ANXA4: variants seen among roughly 807,000 people sequenced by gnomAD.
ANXA4 encodes 35-beta calcimedin.
Under a neutral mutation model 49.8 loss-of-function variants are expected in ANXA4, and 39 were observed. The ratio of observed to expected loss-of-function variants is 0.78; its 90% CI spans 0.61 to 1.02. The LOEUF is 1.02. Among genes scored for constraint, ANXA4 ranks in the 50% least tolerant of loss-of-function variants. The pLI is 0.00. For missense variants in ANXA4, 360 were observed against 410.1 expected (o/e 0.88, Z 1.05); for synonymous variants, 134 against 152.5 (o/e 0.88, Z 0.89).
chr2:69,754,128 G>T (rs1172947814), intron 1 of ANXA4, among the ~76,000 whole-genome samples: 2 of 152,224 alleles, frequency 1.3e-5, no homozygotes, highest in Non-Finnish European at 2.9e-5. Flanking sequence ...ATGGTTTTGA[G>T]AACTCTGCTG....
At chr2:69,719,513 C>T (rs1669762100) in intron 2 of ANXA4, among the ~76,000 whole-genome samples, 1 of 151,718 alleles carries the variant, frequency 6.6e-6, no homozygotes, top group Non-Finnish European at 1.5e-5. Context: ...AATCTCGGCT[C>T]ATTGCAAACT....
chr2:69,747,029 T>A (rs1374914204), intron 1 of ANXA4, among the ~76,000 whole-genome samples: 1 of 151,866 alleles, frequency 6.6e-6, no homozygotes, highest in Non-Finnish European at 1.5e-5. Context: ...TCCATTTTCC[T>A]CCTCCTCCCC....
At chr2:69,741,014 G>A (rs1670380525), upstream of ANXA4, among the ~76,000 whole-genome samples, 1 of 152,066 alleles carries the variant, frequency 6.6e-6, no homozygotes, top group East Asian at 1.9e-4. Flanking sequence ...GTTATCATAT[G>A]CAGATAAAAG....
intron 3 of ANXA4, among the ~76,000 whole-genome samples, chr2:69,723,322 A>G (rs1669870713): frequency 6.6e-6 from 1 of 152,192 alleles, no homozygotes; most frequent in Non-Finnish European, 1.5e-5. Context: ...AATTATAATA[A>G]GATGTGCTAA....
At chr2:69,729,813 A>T (rs553182777) in intron 3 of ANXA4, among the ~76,000 whole-genome samples, 1 of 152,354 alleles carries the variant, frequency 6.6e-6, no homozygotes, top group African/African-American at 2.4e-5. Context: ...TTCAGTTTAT[A>T]AAAAGATGTT....
intron 2 of ANXA4, chr2:69,674,241 G>A (rs1677313838): frequency 6.6e-6 from 1 of 152,190 alleles, no homozygotes; most frequent in African/African-American, 2.4e-5. Context: ...CCGTTTGCAG[G>A]AAGCTGACAG....
At chr2:69,766,034 G>A (rs1671479567) in intron 1 of ANXA4, among the ~76,000 whole-genome samples, 1 of 152,226 alleles carries the variant, frequency 6.6e-6, no homozygotes, top group East Asian at 1.9e-4. Flanking sequence ...AATTTGGAGA[G>A]GGAAGATGCT....
At chr2:69,803,823 T>G (rs1367678303) in intron 3 of ANXA4, among the ~76,000 whole-genome samples, 1 of 150,624 alleles carries the variant, frequency 6.6e-6, no homozygotes, top group African/African-American at 2.4e-5. Context: ...AGAGAGGAGA[T>G]TCAAAAGACA....
Position 69,815,680 on chromosome 2 carries a change from G to C in ANXA4, c.535-421G>C, listed in dbSNP as rs563082795. On this transcript the variant is annotated intron_variant, in intron 8 of 12. Coordinates refer to ENST00000394295, the MANE Select transcript of ANXA4 (RefSeq NM_001153.5). ...TCCACATCTGCACTGTCCTGTATGG[G>C]TGACTACCGGCTACCTGTAGCCGCT... 4 of 188,446 alleles carry C rather than the reference G, an allele frequency of 2.1e-5. No homozygotes were observed. In the East Asian group the frequency reaches 4.9e-4, roughly 23 times the overall value. The allele number at this position is 188,446 out of a possible 1,614,324, so 11.7% of individuals were successfully genotyped here. A position where few individuals can be genotyped will look rare whatever the true frequency, so the allele number is the denominator to read the frequency against.
At chr2:69,740,855 G>GTTT (rs10718417), upstream of ANXA4, among the ~76,000 whole-genome samples, 27 of 98,336 alleles carry the variant, frequency 2.7e-4, no homozygotes, top group Non-Finnish European at 4.3e-4. Context: ...CTATATATAT[G>GTTT]TTTTTTTTTT....
intron 3 of ANXA4, among the ~76,000 whole-genome samples, chr2:69,794,179 C>G (rs1672820105): frequency 6.6e-6 from 1 of 152,186 alleles, no homozygotes; most frequent in Non-Finnish European, 1.5e-5. Context: ...AGCAGCAAAG[C>G]TTGGTATTTG....
At chr2:69,693,060 A>G (rs1678026569) in intron 2 of ANXA4, among the ~76,000 whole-genome samples, 1 of 152,202 alleles carries the variant, frequency 6.6e-6, no homozygotes, top group African/African-American at 2.4e-5. Context: ...ATATTAGGTT[A>G]AATAGATTCT....
intron 2 of ANXA4, among the ~76,000 whole-genome samples, chr2:69,673,687 G>GACAC (rs72114703): frequency 0.012 from 1,626 of 139,198 alleles, 26 homozygotes; most frequent in African/African-American, 0.02. Flanking sequence ...TTTTTTCAAA[G>GACAC]ACACACACAC....
chr2:69,819,416 T>C (rs1365850987), intron 11 of ANXA4, 78 bp downstream of exon 11: 1 of 1,055,350 alleles, frequency 9.5e-7, no homozygotes, highest in Non-Finnish European at 1.4e-6. Flanking sequence ...TTATATCCCC[T>C]ATCCAAACTT....
intron 2 of ANXA4, among the ~76,000 whole-genome samples, chr2:69,676,275 T>C (rs1403595609): frequency 6.6e-6 from 1 of 152,042 alleles, no homozygotes; most frequent in African/African-American, 2.4e-5. Context: ...AAAATTAAAC[T>C]AAACAGATGT....
In ANXA4 at chr2:69,774,918, C is replaced by T. The variant is rs760047118; in HGVS notation, c.-46-6602C>T. Among the ~76,000 whole-genome samples, 6 of 152,158 alleles carry T rather than the reference C, an allele frequency of 3.9e-5. No homozygotes were observed. The South Asian group carries it at 6.2e-4, about 16-fold the overall frequency. On this transcript the variant is annotated intron_variant, in intron 1 of 12. Coordinates refer to ENST00000394295, the MANE Select transcript of ANXA4 (RefSeq NM_001153.5). ...GTGTCTGGACCACCTGAAACATCTG[C>T]GATTGCTCCATAGAGAGCTGTGGGT...
rs566263007 is a variant in ANXA4, at chr2:69,729,123, C to T, written n.864+8252C>T. ...CCACCACCCGGGTTCAAGCAATTCTCGTGCCTCAGCTTCCCAAGTAGCTGG... is the reference window on the plus strand; with the variant it reads ...CCACCACCCGGGTTCAAGCAATTCTTGTGCCTCAGCTTCCCAAGTAGCTGG... On this transcript the variant is annotated intron_variant and non_coding_transcript_variant, in intron 3 of 3. Transcript: ENST00000418066. 5.3e-5 allele frequency among the ~76,000 whole-genome samples: 8 copies of T among 152,344 alleles called. No homozygotes were observed. The South Asian group carries it at 6.2e-4, about 12-fold the overall frequency.
intron 1 of ANXA4, among the ~76,000 whole-genome samples, 154 bp downstream of exon 1, chr2:69,742,329 G>T (rs1670428811): frequency 1.3e-5 from 2 of 152,138 alleles, no homozygotes; most frequent in Non-Finnish European, 2.9e-5. Context: ...CGGCCACAGG[G>T]TGGAGGGGGC....
chr2:69,772,789 C>T (rs1285701915), intron 1 of ANXA4, among the ~76,000 whole-genome samples: 3 of 152,028 alleles, frequency 2.0e-5, no homozygotes, highest in Admixed American at 6.5e-5. Flanking sequence ...GAGGCCGAGG[C>T]GGGCAGATCA....
Sources: allele counts gnomAD v4.1 joint callset (sites outside exome capture counted in the v4.1 genomes callset), GRCh38; gene constraint gnomAD v4.1.1; transcripts MANE v1.5; gene names NCBI Gene and HGNC (gene_info 2026-07-23, HGNC 2026-07-21).